UNC13C: variants seen among roughly 807,000 people sequenced by gnomAD.
The protein encoded by UNC13C is protein unc-13 homolog C.
A neutral mutation model predicts 245.4 loss-of-function variants in UNC13C; 174 were observed. That is an observed-to-expected ratio of 0.71 (90% CI 0.63 to 0.80). UNC13C has a LOEUF of 0.80. Among genes scored for constraint, UNC13C ranks in the 30% least tolerant of loss-of-function variants. The pLI, the probability that UNC13C is intolerant of heterozygous loss-of-function variation, is 0.00. For missense variants in UNC13C, 2,829 were observed against 2,602.9 expected (o/e 1.09, Z -1.89); for synonymous variants, 992 against 895.1 (o/e 1.11, Z -1.93).
chr15:53,976,471 C>CTTTTTT (rs1491026119), upstream of UNC13C, among the ~76,000 whole-genome samples: 23 of 31,414 alleles, frequency 7.3e-4, no homozygotes, highest in South Asian at 2.0e-3. Context: ...CTCTCTCTCT[C>CTTTTTT]TCTCTCTTTT....
At position 54,288,081 on chromosome 15, in the gene UNC13C, A is replaced by G. The variant is rs191585803; in HGVS notation, c.3819-5814A>G. Among the ~76,000 whole-genome samples the G allele has an allele frequency of 5.3e-5, 8 of 152,310 alleles. No individual in the cohort carries two copies. The East Asian group carries it at 1.5e-3, about 29-fold the overall frequency. On this transcript the variant is annotated intron_variant, in intron 10 of 32. Transcript: ENST00000260323. ...ATGTATTGTGGAGAGAAAAGAAAAT[A>G]GGATGACAGCAATTTAAAATTTCTG...
At chr15:54,577,070 T>C (rs989515339) in intron 30 of UNC13C, among the ~76,000 whole-genome samples, 1 of 152,146 alleles carries the variant, frequency 6.6e-6, no homozygotes, top group Non-Finnish European at 1.5e-5. Flanking sequence ...TGTGTATGAG[T>C]ATGTGTGCAT....
At chr15:54,234,284 C>T (rs139352135) in intron 4 of UNC13C, among the ~76,000 whole-genome samples, 2,506 of 151,508 alleles carry the variant, frequency 0.017, 81 homozygotes, top group African/African-American at 0.059. Context: ...CTTACTAATA[C>T]GCAAACTTGC....
In UNC13C at chr15:54,393,030, G is replaced by A. The variant is rs752257188; in HGVS notation, c.4714-18G>A. On this transcript the variant is annotated intron_variant, in intron 17 of 32. Transcript: ENST00000260323. ...CATTTAACCTTTTCTTTTGCATGTT[G>A]CGTGAACTTGTGAGCAGAGTAAGAA... 3 of 1,566,498 alleles carry A rather than the reference G, an allele frequency of 1.9e-6. No individual in the cohort carries two copies. Among genetic ancestry groups the A allele is most frequent in the African/African-American group, 2.8e-5 (2 of 72,300 alleles).
intron 4 of UNC13C, among the ~76,000 whole-genome samples, chr15:54,202,371 A>C (rs763020723): frequency 1.1e-4 from 16 of 152,056 alleles, no homozygotes; most frequent in Non-Finnish European, 1.6e-4. Context: ...AAGCAAGACA[A>C]AGCAAGAAGA....
At chr15:54,062,560 T>C (rs571337574) in intron 2 of UNC13C, among the ~76,000 whole-genome samples, 3 of 152,318 alleles carry the variant, frequency 2.0e-5, no homozygotes, top group East Asian at 3.9e-4. Context: ...ATTATGTTGT[T>C]GAGTGTATAA....
At chr15:53,922,113 T>A in the UNC13C span, among the ~76,000 whole-genome samples, 1 of 152,226 alleles carries the variant, frequency 6.6e-6, no homozygotes, top group Non-Finnish European at 1.5e-5. Context: ...AATACCATGA[T>A]AAAGTGAATA....
At chr15:54,067,549 A>G (rs1898130463) in intron 2 of UNC13C, among the ~76,000 whole-genome samples, 1 of 152,192 alleles carries the variant, frequency 6.6e-6, no homozygotes, top group African/African-American at 2.4e-5. Flanking sequence ...GTTTTAGGAA[A>G]TAGCTGTAAA....
intron 2 of UNC13C, among the ~76,000 whole-genome samples, chr15:54,123,812 C>T (rs1437491276): frequency 6.6e-6 from 1 of 152,140 alleles, no homozygotes; most frequent in South Asian, 2.1e-4. Flanking sequence ...CACCACAAAG[C>T]TCTCTCCCTG....
intron 19 of UNC13C, among the ~76,000 whole-genome samples, chr15:54,456,026 T>C (rs1891501969): frequency 6.6e-6 from 1 of 152,198 alleles, no homozygotes; most frequent in Admixed American, 6.5e-5. Flanking sequence ...CTTTGATAAA[T>C]CTTGAGTTGA....
In UNC13C at chr15:54,334,485, T is replaced by G. The variant is rs75325940; in HGVS notation, c.4584+629T>G. Among the ~76,000 whole-genome samples the G allele has an allele frequency of 4.0e-3, 613 of 152,216 alleles. 27 individuals carry two copies. In the East Asian group the frequency reaches 0.086, roughly 21 times the overall value. On this transcript the variant is annotated intron_variant, in intron 16 of 32. Coordinates refer to ENST00000260323, the MANE Select transcript of UNC13C (RefSeq NM_001080534.3). ...GCTGTGGGCTAAAATATACACTCTT[T>G]GAAAGACAGTATTACGATGCTTATT...
intron 19 of UNC13C, among the ~76,000 whole-genome samples, chr15:54,439,444 T>C (rs954094948): frequency 2.6e-5 from 4 of 151,988 alleles, no homozygotes; most frequent in Admixed American, 6.6e-5. Context: ...ATTTTGATAA[T>C]TTTGAAGTTA....
intron 16 of UNC13C, among the ~76,000 whole-genome samples, chr15:54,337,408 C>A (rs1409168399): frequency 6.6e-6 from 1 of 152,088 alleles, no homozygotes; most frequent in African/African-American, 2.4e-5. Flanking sequence ...GCCTAATAGG[C>A]TTCTTAAACT....
rs533522698 is a variant in UNC13C, at chr15:54,486,359, C to T, written c.4934-8249C>T. ...GGCTGAAGCAGGCGAATCACTTGAA[C>T]CCCCAGGAGGTGGAGGCTGCAGTGA... On this transcript the variant is annotated intron_variant, in intron 19 of 32. Transcript: ENST00000260323. 6.0e-5 allele frequency among the ~76,000 whole-genome samples: 9 copies of T among 151,134 alleles called. No homozygotes were observed. The South Asian group carries it at 1.3e-3, about 21-fold the overall frequency.
intron 1 of UNC13C, among the ~76,000 whole-genome samples, chr15:53,991,658 A>G (rs1434853463): frequency 6.6e-6 from 1 of 152,044 alleles, no homozygotes; most frequent in South Asian, 2.1e-4. Flanking sequence ...TCTTGCCTCT[A>G]GGAACTGCAT....
intron 4 of UNC13C, among the ~76,000 whole-genome samples, chr15:54,163,025 G>A (rs897466214): frequency 2.0e-5 from 3 of 152,158 alleles, no homozygotes; most frequent in Non-Finnish European, 2.9e-5. Flanking sequence ...GTGGTAGACA[G>A]CATAATGGCC....
intron 2 of UNC13C, among the ~76,000 whole-genome samples, chr15:54,042,591 C>T (rs575302030): frequency 3.3e-5 from 5 of 152,194 alleles, no homozygotes; most frequent in South Asian, 4.1e-4. Flanking sequence ...TGGTGGGTCA[C>T]GCCTGTAATC....
At chr15:53,850,247 C>G in the UNC13C span, among the ~76,000 whole-genome samples, 1 of 151,588 alleles carries the variant, frequency 6.6e-6, no homozygotes, top group Non-Finnish European at 1.5e-5. Flanking sequence ...GACCCCATCT[C>G]CACAAAAAAT....
rs540914706 is a variant in UNC13C at position 54,388,192 on chromosome 15, T to C, written c.4714-4856T>C. The stretch of plus-strand genomic sequence containing the variant: ...GATCTGTTTCTTCACCTTCCCTTCC[T>C]TTTTTTCCTTCCTTCCTCCAGACCA... On this transcript the variant is annotated intron_variant, in intron 17 of 32. Coordinates refer to ENST00000260323, the MANE Select transcript of UNC13C (RefSeq NM_001080534.3). Among the ~76,000 whole-genome samples, 3 of 152,262 alleles carry C rather than the reference T, an allele frequency of 2.0e-5. No individual in the cohort carries two copies. The East Asian group carries it at 5.8e-4, about 29-fold the overall frequency.
Sources: allele counts gnomAD v4.1 joint callset (sites outside exome capture counted in the v4.1 genomes callset), GRCh38; gene constraint gnomAD v4.1.1; transcripts MANE v1.5; gene names NCBI Gene and HGNC (gene_info 2026-07-23, HGNC 2026-07-21).